SENP1: variants seen among roughly 807,000 people sequenced by gnomAD.
The protein encoded by SENP1 is sentrin-specific protease 1.
A neutral mutation model predicts 93.0 loss-of-function variants in SENP1; 21 were observed. That is an observed-to-expected ratio of 0.23 (90% confidence interval 0.16 to 0.33). The LOEUF (loss-of-function observed/expected upper bound fraction) is 0.33. SENP1 is among the 10% of genes least tolerant of loss of function. The pLI is 1.00. For synonymous variants in SENP1, 256 were observed against 259.6 expected, an observed-to-expected ratio of 0.99 and a Z score of 0.13; for missense variants, 591 against 758.7, an observed-to-expected ratio of 0.78 and a Z score of 2.60.
At chr12:48,056,691 A>G (rs1368783932) in intron 13 of SENP1, among the ~76,000 whole-genome samples, 2 of 90,194 alleles carry the variant, frequency 2.2e-5, no homozygotes, top group Admixed American at 3.6e-4. Flanking sequence ...ATATAAATAT[A>G]TTATTTAATA....
chr12:48,105,260 C>A, intron 1 of SENP1: 1 of 405,168 alleles, frequency 2.5e-6, no homozygotes, highest in Non-Finnish European at 5.0e-6. Context: ...GATAAAGAAG[C>A]AAGTTACTGC....
At chr12:48,049,533 C>A (rs556817585) in intron 13 of SENP1, among the ~76,000 whole-genome samples, 2 of 152,208 alleles carry the variant, frequency 1.3e-5, no homozygotes, top group Non-Finnish European at 2.9e-5. Context: ...ACTGTGTGAG[C>A]AATTTAAGTA....
At chr12:48,104,570 T>C (rs2137408007) in intron 1 of SENP1, among the ~76,000 whole-genome samples, 1 of 152,314 alleles carries the variant, frequency 6.6e-6, no homozygotes, top group South Asian at 2.1e-4. Context: ...ACACATTCAT[T>C]TACTGTGCAC....
intron 12 of SENP1, 150 bp from the exon 13 acceptor site, chr12:48,063,991 G>T: frequency 2.7e-6 from 2 of 753,288 alleles, no homozygotes; most frequent in South Asian, 2.3e-5. Context: ...CTAACATTTT[G>T]GTTTCTATTC....
chr12:48,099,980 C>G (rs1412316096), intron 2 of SENP1, among the ~76,000 whole-genome samples: 1 of 151,982 alleles, frequency 6.6e-6, no homozygotes, highest in Non-Finnish European at 1.5e-5. Context: ...ATAAACGTAA[C>G]AGAATTCAAC....
chr12:48,083,649 C>T lies in SENP1; in HGVS notation c.494G>A (p.Arg165His), dbSNP rs765647329. Residue 165 changes from arginine to histidine, a missense_variant, in exon 6 of 18, where the codon CGT becomes CAT. Around this residue, in one of 4 missense-constraint regions of SENP1, gnomAD observed 214 missense variants for 243.4 expected, o/e 0.88. Transcript: ENST00000549518. ...VPSPSWSGSC[R>H]RSLLSPKKTQ... ...TTTCTTGGGGCTCAAAAGACTTCGA[C>T]GACATGAACCACTCCAAGATGGACT... The T allele has an allele frequency of 3.7e-6, 6 of 1,613,560 alleles. No homozygotes were observed. The highest frequency in any genetic ancestry group is 4.5e-5 in the East Asian group (2 of 44,886).
Position 48,048,091 on chromosome 12 carries a change from G to GA in SENP1, c.1612-12dup. The GA allele has an allele frequency of 1.9e-6, 3 of 1,556,766 alleles. No homozygotes were observed. Among genetic ancestry groups the GA allele is most frequent in the Non-Finnish European group, 2.7e-6 (3 of 1,129,720 alleles). On this transcript the variant is annotated splice_polypyrimidine_tract_variant and intron_variant, in intron 14 of 17. Transcript: ENST00000549518. ...TCTAAAGTCCACAACCTGAGAATAA[G>GA]AAAAAAAGTCTCTGTGTTTATGAGA...
At chr12:48,105,079 T>C (rs1359288714) in intron 1 of SENP1, 1 of 189,704 alleles carries the variant, frequency 5.3e-6, no homozygotes. Flanking sequence ...ATTTAGGAGA[T>C]GATGAGATCT....
In SENP1 at chr12:48,067,121, T is replaced by C. The variant is rs140068180; in HGVS notation, c.996-156A>G. Among the ~76,000 whole-genome samples, 726 of 152,346 alleles carry C rather than the reference T, an allele frequency of 4.8e-3. 7 individuals are homozygous for C. The highest frequency in any genetic ancestry group is 0.016 in the African/African-American group (651 of 41,586). ...GAATCTAAATGACATAAAATAATTG[T>C]AACTAGGAATTAAGGAGACACAATC... On this transcript the variant is annotated intron_variant, in intron 9 of 17. Coordinates refer to ENST00000549518, the MANE Select transcript of SENP1 (RefSeq NM_001267594.2).
Position 48,046,963 on chromosome 12 carries a change from C to G in SENP1, c.1776+15G>C, listed in dbSNP as rs764122613. 6.3e-6 allele frequency: 10 copies of G among 1,575,394 alleles called. No homozygotes were observed. In the African/African-American group the frequency reaches 1.1e-4, roughly 17 times the overall value. On this transcript the variant is annotated intron_variant, in intron 16 of 17. Transcript: ENST00000549518. ...CCTACTTTTAGGACTTTTATTTCAT[C>G]AAGATGAAAGGTACCTGGCTTTTCT...
intron 13 of SENP1, among the ~76,000 whole-genome samples, chr12:48,056,328 ATAT>A (rs1247109340): frequency 6.9e-5 from 2 of 28,956 alleles, no homozygotes; most frequent in Non-Finnish European, 1.1e-4. Flanking sequence ...ACATATATAA[ATAT>A]TATTTAATAT....
chr12:48,098,011 A>C lies in SENP1; in HGVS notation c.118T>G (p.Ser40Ala). 1 of 1,613,778 alleles carries C rather than the reference A, an allele frequency of 6.2e-7. No individual in the cohort carries two copies. The highest frequency in any genetic ancestry group is 8.5e-7 in the Non-Finnish European group (1 of 1,179,778). Residue 40 changes from serine (S) to alanine (A), a missense_variant, in exon 3 of 18, where the codon TCG becomes GCG. Physicochemically the swap from Ser to Ala is moderately conservative, Grantham distance 99 (BLOSUM62 1). This residue lies in a region of SENP1 where 214 missense variants were observed against 243.4 expected (regional missense o/e 0.88). Transcript: ENST00000549518. ...CTCCTAACCTGCTGGTCAGAAAGCGAAAGCTGGTCCTCTGGAAAACCTGTT... is the reference window on the plus strand; with the variant it reads ...CTCCTAACCTGCTGGTCAGAAAGCGCAAGCTGGTCCTCTGGAAAACCTGTT... The part of the protein sequence containing the change: ...PQTGFPEDQL[S>A]LSDQQILSSR...
chr12:48,104,236 G>T (rs58280906), intron 1 of SENP1, among the ~76,000 whole-genome samples: 2,495 of 7,556 alleles, frequency 0.33, 44 homozygotes, highest in East Asian at 0.46. Flanking sequence ...AATATATATA[G>T]AGAGAGAGAG....
intron 14 of SENP1, 63 bp downstream of exon 14, chr12:48,048,866 C>T: frequency 2.4e-6 from 3 of 1,245,282 alleles, no homozygotes; most frequent in Admixed American, 1.9e-5. Context: ...CTACTCACTA[C>T]CCTCTGTGTG....
chr12:48,047,545 T>A (rs1162737078), intron 15 of SENP1, among the ~76,000 whole-genome samples: 1 of 152,224 alleles, frequency 6.6e-6, no homozygotes, highest in South Asian at 2.1e-4. Flanking sequence ...GTGCAAACTG[T>A]TCACCATTGT....
In SENP1 at chr12:48,064,978, C is replaced by T. The variant is rs534237631; in HGVS notation, c.1275+87G>A. Reference sequence around the variant, plus strand: ...AGGCGTGAGCCACCGTGCCTGACCACTATTGCTTTTATGTTTGAAACTCAT... The same window carrying T: ...AGGCGTGAGCCACCGTGCCTGACCATTATTGCTTTTATGTTTGAAACTCAT... On this transcript the variant is annotated intron_variant, in intron 12 of 17. Transcript: ENST00000549518. 20 of 993,678 alleles carry T rather than the reference C, an allele frequency of 2.0e-5. No homozygotes were observed. In the African/African-American group the frequency reaches 3.0e-4, roughly 15 times the overall value. 61.6% of individuals were successfully genotyped at this position (993,678 alleles called of 1,614,324 possible). A position where few individuals can be genotyped will look rare whatever the true frequency, so the allele number is the denominator to read the frequency against.
chr12:48,065,736 T>A, intron 10 of SENP1, 56 bp from the exon 11 acceptor site: 2 of 1,102,076 alleles, frequency 1.8e-6, no homozygotes, highest in Non-Finnish European at 2.7e-6. Flanking sequence ...ATGAAACATA[T>A]TGTTGATGTA....
intron 13 of SENP1, among the ~76,000 whole-genome samples, chr12:48,061,626 T>C (rs1292261726): frequency 1.3e-5 from 2 of 152,198 alleles, no homozygotes; most frequent in South Asian, 2.1e-4. Context: ...CAGGCTGCTC[T>C]TGAACTCCTG....
rs1282645902 is a variant in SENP1 at position 48,045,353 on chromosome 12, A to C, written c.1904T>G (p.Val635Gly). 1.2e-6 allele frequency: 2 copies of C among 1,613,722 alleles called. No individual in the cohort carries two copies. The highest frequency in any genetic ancestry group is 1.7e-5 in the Admixed American group (1 of 59,992). Residue 635 changes from valine (V) to glycine (G), a missense_variant, in exon 18 of 18, where the codon GTC (valine) becomes GGC (glycine). By Grantham distance (109) the Val-to-Gly change is moderately radical. Coordinates refer to ENST00000549518, the MANE Select transcript of SENP1 (RefSeq NM_001267594.2). ...GAGTTTTCGGTGGAGGATCTCCCAG[A>C]CCATCCGCTTCCGGAAGTATGGCAT... is the stretch of plus-strand genomic sequence containing the variant. ...QHMPYFRKRM[V>G]WEILHRKLL is the part of the protein sequence containing the mutation.
Sources: allele counts gnomAD v4.1 joint callset (sites outside exome capture counted in the v4.1 genomes callset), GRCh38; gene constraint gnomAD v4.1.1; regional missense constraint gnomAD v4.1.1; transcripts MANE v1.5; gene names NCBI Gene and HGNC (gene_info 2026-07-23, HGNC 2026-07-21).